The following STK32B variants were observed in gnomAD, a reference collection of about 807,000 sequenced individuals.
STK32B encodes the protein serine/threonine-protein kinase 32B.
STK32B carries 43 observed loss-of-function variants against 52.6 expected under a neutral mutation model. The ratio of observed to expected loss-of-function variants is 0.82; its 90% CI spans 0.64 to 1.05. STK32B has a LOEUF of 1.05. Ranked by LOEUF, STK32B falls within the 50% of genes least tolerant of loss-of-function variation. The probability of loss-of-function intolerance (pLI) is 0.00; values close to 1 mark genes in which losing one functional copy is unlikely to be tolerated. For synonymous variants in STK32B, 238 were observed against 204.3 expected, an observed-to-expected ratio of 1.17 and a Z score of -1.41; for missense variants, 621 against 534.6, an observed-to-expected ratio of 1.16 and a Z score of -1.59.
chr4:5,340,705 CAAT>C (rs1238295169), intron 4 of STK32B, among the ~76,000 whole-genome samples: 1 of 152,150 alleles, frequency 6.6e-6, no homozygotes, highest in East Asian at 1.9e-4. Flanking sequence ...GTTTATTAAA[CAAT>C]GAATCAAGTT....
chr4:5,330,689 G>A (rs1385299636), intron 3 of STK32B, among the ~76,000 whole-genome samples: 1 of 152,158 alleles, frequency 6.6e-6, no homozygotes, highest in African/African-American at 2.4e-5. Flanking sequence ...CTTGCATCTG[G>A]CTGGGTTCCA....
chr4:5,113,269 A>G (rs1458800048), intron 1 of STK32B, among the ~76,000 whole-genome samples: 2 of 152,180 alleles, frequency 1.3e-5, no homozygotes, highest in Non-Finnish European at 2.9e-5. Context: ...ATGGCTATCT[A>G]TGAACCAGGA....
At chr4:5,332,458 C>A (rs1057208887) in intron 4 of STK32B, among the ~76,000 whole-genome samples, 1 of 151,946 alleles carries the variant, frequency 6.6e-6, no homozygotes, top group African/African-American at 2.4e-5. Context: ...TATAATAAGG[C>A]GAATTGTTGA....
At chr4:5,145,470 C>T (rs73091530) in intron 2 of STK32B, among the ~76,000 whole-genome samples, 12,288 of 152,098 alleles carry the variant, frequency 0.081, 651 homozygotes, top group African/African-American at 0.15. Flanking sequence ...TATAGAATAT[C>T]ACCATCCAAA....
chr4:5,369,847 A>G (rs2109009997), intron 4 of STK32B, among the ~76,000 whole-genome samples: 1 of 152,206 alleles, frequency 6.6e-6, no homozygotes, highest in Non-Finnish European at 1.5e-5. Flanking sequence ...TCATCAAGGT[A>G]GCTATCAAAG....
chr4:5,223,540 G>A (rs148888767), intron 3 of STK32B, among the ~76,000 whole-genome samples: 146 of 152,266 alleles, frequency 9.6e-4, no homozygotes, highest in African/African-American at 3.0e-3. Context: ...TCAGCCAGGC[G>A]CGGTGGCTCA....
intron 1 of STK32B, among the ~76,000 whole-genome samples, chr4:5,131,008 T>C (rs947752382): frequency 7.2e-5 from 11 of 152,318 alleles, no homozygotes; most frequent in Non-Finnish European, 1.5e-4. Context: ...ACCTTGTGCC[T>C]GACTCTGCCG....
At chr4:5,169,077 C>T (rs556348738) in intron 3 of STK32B, among the ~76,000 whole-genome samples, 18 of 152,324 alleles carry the variant, frequency 1.2e-4, no homozygotes, top group Admixed American at 5.2e-4. Context: ...CCCTAACCAA[C>T]ACCTGTGCAT....
chr4:5,335,003 A>G (rs368935632), intron 4 of STK32B, among the ~76,000 whole-genome samples: 34 of 151,228 alleles, frequency 2.2e-4, no homozygotes, highest in African/African-American at 5.9e-4. Context: ...AAATGAGTTA[A>G]GGAGGATTCC....
At chr4:5,205,704 G>GCA (rs1491373538) in intron 3 of STK32B, among the ~76,000 whole-genome samples, 4 of 22,380 alleles carry the variant, frequency 1.8e-4, no homozygotes, top group South Asian at 3.1e-3. Context: ...GCGCGCGCGC[G>GCA]TGTGTGTGTG....
rs553118932 is a variant in STK32B at position 5,500,391 on chromosome 4, C to T, written c.*1308C>T. 8.5e-5 allele frequency: 13 copies of T among 152,264 alleles called. No homozygotes were observed. The East Asian group carries it at 1.5e-3, about 18-fold the overall frequency. 9.4% of individuals were successfully genotyped at this position (152,264 alleles called of 1,614,324 possible). A position where few individuals can be genotyped will look rare whatever the true frequency, so the allele number is the denominator to read the frequency against. On this transcript the variant is annotated 3_prime_UTR_variant, in exon 12 of 12. Coordinates refer to ENST00000282908, the MANE Select transcript of STK32B (RefSeq NM_018401.3). ...GAATGGCCTTTTTTGTCAGCATAAT[C>T]GTCATCATTATTTAGATACTTTCTT...
chr4:5,325,053 G>A lies in STK32B; in HGVS notation c.261-6167G>A, dbSNP rs561558631. On this transcript the variant is annotated intron_variant, in intron 3 of 11. Transcript: ENST00000282908. ...TCGTGCTCTGCTCTAAATTTATCCT[G>A]GTATGAAGAAAGTTCATCCGTGAGC... Among the ~76,000 whole-genome samples, 16 of 152,204 alleles carry A rather than the reference G, an allele frequency of 1.1e-4. No individual in the cohort carries two copies. The South Asian group carries it at 3.3e-3, about 32-fold the overall frequency.
At chr4:5,318,923 CTCAG>C (rs1292455278) in intron 3 of STK32B, among the ~76,000 whole-genome samples, 1 of 152,028 alleles carries the variant, frequency 6.6e-6, no homozygotes, top group African/African-American at 2.4e-5. Flanking sequence ...CCTCAGCCTC[CTCAG>C]TATCTGGGAC....
intron 3 of STK32B, among the ~76,000 whole-genome samples, chr4:5,235,055 T>G (rs1323791812): frequency 6.6e-6 from 1 of 152,208 alleles, no homozygotes; most frequent in Non-Finnish European, 1.5e-5. Flanking sequence ...ACCAGAACAT[T>G]TCGTTTCTCA....
At position 5,280,687 on chromosome 4, in the gene STK32B, GA is replaced by G. The variant is rs564121204; in HGVS notation, c.261-50532del. Among the ~76,000 whole-genome samples, 146 of 152,176 alleles carry G rather than the reference GA, an allele frequency of 9.6e-4. 1 individual carries two copies. The highest frequency in any genetic ancestry group is 3.4e-3 in the African/African-American group (140 of 41,510). On this transcript the variant is annotated intron_variant, in intron 3 of 11. Transcript: ENST00000282908. ...AGGTGGGTGGGTCACTTGAGGTCAG[GA>G]GTTCAAAACCAGCCTGGCCAACATG...
chr4:5,309,395 T>A (rs767417320), intron 3 of STK32B, among the ~76,000 whole-genome samples: 14 of 152,082 alleles, frequency 9.2e-5, no homozygotes, highest in Non-Finnish European at 1.8e-4. Flanking sequence ...ATCCTGAAAT[T>A]TTTATGAAAT....
chr4:5,450,837 C>T (rs1715923033), intron 7 of STK32B, among the ~76,000 whole-genome samples: 1 of 152,146 alleles, frequency 6.6e-6, no homozygotes, highest in Admixed American at 6.5e-5. Flanking sequence ...AAGCCTGTGT[C>T]CTTCCCAATT....
chr4:5,244,294 T>G (rs1357073712), intron 3 of STK32B, among the ~76,000 whole-genome samples: 1 of 152,294 alleles, frequency 6.6e-6, no homozygotes, highest in East Asian at 1.9e-4. Context: ...TTCTTCCTGG[T>G]TTAGTCTTGG....
intron 6 of STK32B, among the ~76,000 whole-genome samples, chr4:5,434,563 C>T (rs1356772847): frequency 1.3e-5 from 2 of 151,842 alleles, no homozygotes; most frequent in Non-Finnish European, 2.9e-5. Context: ...TGTCATCATT[C>T]TGGTTGATCT....
Sources: allele counts gnomAD v4.1 joint callset (sites outside exome capture counted in the v4.1 genomes callset), GRCh38; gene constraint gnomAD v4.1.1; transcripts MANE v1.5; gene names NCBI Gene and HGNC (gene_info 2026-07-23, HGNC 2026-07-21).